Variants in MYT1L observed in about 807,000 individuals in gnomAD.
MYT1L encodes the protein myelin transcription factor 1-like protein.
In MYT1L, 12 loss-of-function variants were observed where a neutral mutation model predicts 126.7. The ratio of observed to expected loss-of-function variants is 0.09; its 90% CI spans 0.06 to 0.15. The LOEUF is 0.15. Ranked by LOEUF, MYT1L falls within the 10% of genes least tolerant of loss-of-function variation. MYT1L has a pLI of 1.00. For missense variants in MYT1L, 979 were observed against 1,585.2 expected, an observed-to-expected ratio of 0.62 and a Z score of 6.49; for synonymous variants, 541 against 604.2, an observed-to-expected ratio of 0.90 and a Z score of 1.53.
intron 4 of MYT1L, among the ~76,000 whole-genome samples, chr2:2,047,439 C>T (rs2150058892): frequency 6.6e-6 from 1 of 152,288 alleles, no homozygotes; most frequent in South Asian, 2.1e-4. Flanking sequence ...ACAAAGTGTA[C>T]CCCCAGTGGC....
chr2:1,792,056 A>C, intron 24 of MYT1L, 49 bp from the exon 25 acceptor site: 1 of 1,398,104 alleles, frequency 7.2e-7, no homozygotes, highest in Non-Finnish European at 9.6e-7. Context: ...TTTTCTTAAT[A>C]GTATATTTAC....
At chr2:2,114,368 C>T (rs921189013) in intron 3 of MYT1L, among the ~76,000 whole-genome samples, 3 of 152,182 alleles carry the variant, frequency 2.0e-5, no homozygotes, top group Admixed American at 1.3e-4. Context: ...CTGGGGAGTC[C>T]GTCCTATGTT....
chr2:1,996,737 A>G (rs868080325), intron 5 of MYT1L, among the ~76,000 whole-genome samples: 1,261 of 52,350 alleles, frequency 0.024, 29 homozygotes, highest in African/African-American at 0.077. Context: ...GGGCCACCCT[A>G]CCTCAGTGTG....
chr2:2,019,804 A>AT (rs142771594), intron 4 of MYT1L, among the ~76,000 whole-genome samples: 19,504 of 150,426 alleles, frequency 0.13, 1,289 homozygotes, highest in East Asian at 0.31. Flanking sequence ...ATATTCTTCT[A>AT]TTTTTTTTTC....
At chr2:1,947,429 T>C (rs899045663) in intron 8 of MYT1L, among the ~76,000 whole-genome samples, 1 of 152,178 alleles carries the variant, frequency 6.6e-6, no homozygotes, top group East Asian at 1.9e-4. Flanking sequence ...GAGGACAATG[T>C]ATCCGGCTAG....
At chr2:2,307,624 C>T (rs1406078551) in intron 1 of MYT1L, among the ~76,000 whole-genome samples, 1 of 151,948 alleles carries the variant, frequency 6.6e-6, no homozygotes, top group Admixed American at 6.6e-5. Context: ...AAGTATGACA[C>T]TCGTGATCTC....
chr2:2,004,291 G>GTTCTTTCCTGCATGCA (rs1558698150), intron 4 of MYT1L, among the ~76,000 whole-genome samples: 14 of 117,172 alleles, frequency 1.2e-4, no homozygotes, highest in Admixed American at 2.6e-4. Context: ...TCCTGCATGC[G>GTTCTTTCCTGCATGCA]TTCTTTCCTG....
At chr2:2,220,823 AC>A (rs2093841450) in intron 2 of MYT1L, among the ~76,000 whole-genome samples, 1 of 152,006 alleles carries the variant, frequency 6.6e-6, no homozygotes, top group African/African-American at 2.4e-5. Context: ...GAGTCCCCAG[AC>A]CCCTTAGATA....
intron 21 of MYT1L, chr2:1,825,577 T>G (rs917794686): frequency 6.6e-6 from 1 of 152,224 alleles, no homozygotes; most frequent in Non-Finnish European, 1.5e-5. Context: ...GTTTTTTGTT[T>G]GTTTAATTGA....
intron 4 of MYT1L, among the ~76,000 whole-genome samples, chr2:2,029,211 ACTGT>A (rs1472395369): frequency 1.3e-5 from 2 of 152,214 alleles, no homozygotes; most frequent in Admixed American, 6.5e-5. Context: ...GACATTCGTG[ACTGT>A]CTAACATATT....
At chr2:2,158,730 T>TGCGTAGG (rs2087215226) in intron 3 of MYT1L, among the ~76,000 whole-genome samples, 1 of 144,996 alleles carries the variant, frequency 6.9e-6, no homozygotes, top group Non-Finnish European at 1.5e-5. Flanking sequence ...ACACACACAC[T>TGCGTAGG]TGAAATTGGA....
At chr2:2,121,010 C>G (rs1262437945) in intron 3 of MYT1L, among the ~76,000 whole-genome samples, 1 of 152,132 alleles carries the variant, frequency 6.6e-6, no homozygotes, top group Non-Finnish European at 1.5e-5. Flanking sequence ...GAGGCCGGCG[C>G]GGAGGAACCA....
chr2:2,249,821 C>T (rs891812086), intron 2 of MYT1L, among the ~76,000 whole-genome samples: 1 of 151,952 alleles, frequency 6.6e-6, no homozygotes, highest in South Asian at 2.1e-4. Context: ...GCTCAAACAA[C>T]TTTATAAAAA....
intron 3 of MYT1L, among the ~76,000 whole-genome samples, chr2:2,152,609 T>A (rs932536492): frequency 6.6e-6 from 1 of 152,060 alleles, no homozygotes; most frequent in African/African-American, 2.4e-5. Flanking sequence ...AGAAAACAGG[T>A]GCAGGGGCCT....
chr2:1,851,836 G>T, intron 18 of MYT1L, 133 bp from the exon 19 acceptor site: 1 of 824,444 alleles, frequency 1.2e-6, no homozygotes, highest in South Asian at 1.6e-5. Context: ...GAGTGGAGCC[G>T]GAAGCTCCCT....
At chr2:1,924,452 T>C (rs2053960562) in intron 9 of MYT1L, among the ~76,000 whole-genome samples, 1 of 152,210 alleles carries the variant, frequency 6.6e-6, no homozygotes, top group African/African-American at 2.4e-5. Flanking sequence ...TAAAGTTTAT[T>C]AACAATTTAA....
intron 4 of MYT1L, among the ~76,000 whole-genome samples, chr2:2,019,666 G>C (rs1044114653): frequency 5.3e-5 from 8 of 152,098 alleles, no homozygotes; most frequent in Admixed American, 5.2e-4. Flanking sequence ...TTCTATATTT[G>C]CTCTACATGT....
chr2:1,922,707 G>A lies in MYT1L; in HGVS notation c.1062C>T (p.Asn354=). ...TNPQERNPQQ[N]MNIRQHVRPE... ...GCCGGACATGCTGACGGATGTTCAT[G>A]TTCTGCTGCGGATTCCTCTCCTGCG... Residue 354 remains asparagine, a synonymous_variant, in exon 10 of 25, where the codon AAC becomes AAT. Coordinates refer to ENST00000647738, the MANE Select transcript of MYT1L (RefSeq NM_001303052.2). The surrounding 1 kb of genome is among the most constrained non-coding windows in gnomAD (Gnocchi z 7.4). The A allele has an allele frequency of 7.4e-6, 12 of 1,613,930 alleles. No individual in the cohort carries two copies. Among genetic ancestry groups the A allele is most frequent in the Non-Finnish European group, 1.0e-5 (12 of 1,179,904 alleles).
chr2:1,996,715 C>G (rs1335311355), intron 5 of MYT1L, among the ~76,000 whole-genome samples: 1 of 134,704 alleles, frequency 7.4e-6, no homozygotes, highest in African/African-American at 2.8e-5. Flanking sequence ...GCCGCCTTTA[C>G]CTAGTGAGTG....
Sources: allele counts gnomAD v4.1 joint callset (sites outside exome capture counted in the v4.1 genomes callset), GRCh38; gene constraint gnomAD v4.1.1; non-coding constraint Gnocchi (gnomAD v3.1); transcripts MANE v1.5; gene names NCBI Gene and HGNC (gene_info 2026-07-23, HGNC 2026-07-21).